NKAPD1: variants seen among roughly 807,000 people sequenced by gnomAD.
The protein encoded by NKAPD1 is NKAP domain containing 1.
NKAPD1 carries 12 observed loss-of-function variants against 30.9 expected under a neutral mutation model. That is an observed-to-expected ratio of 0.39 (90% CI 0.25 to 0.63). The LOEUF is 0.63. Ranked by LOEUF, NKAPD1 falls within the 20% of genes least tolerant of loss-of-function variation. NKAPD1 has a pLI of 0.51. For synonymous variants in NKAPD1, 91 were observed against 113.6 expected (o/e 0.80, Z 1.26); for missense variants, 311 against 344.5 (o/e 0.90, Z 0.77).
Position 112,084,257 on chromosome 11 carries a change from TAA to T in NKAPD1, c.*1286_*1287del, listed in dbSNP as rs1370737067. 6.6e-6 allele frequency: 1 copy of T among 152,624 alleles called. No homozygotes were observed. The highest frequency in any genetic ancestry group is 1.5e-5 in the Non-Finnish European group (1 of 68,030). 9.5% of individuals were successfully genotyped at this position (152,624 alleles called of 1,614,324 possible). ...ATTACTTCACAGTAGCATGACAGTA[TAA>T]GACACCAGCAGTAGATACAACTATG... On this transcript the variant is annotated 3_prime_UTR_variant, in exon 6 of 6. Transcript: ENST00000393047.
Position 112,082,880 on chromosome 11 carries a change from G to C in NKAPD1, c.790G>C (p.Ala264Pro). 6.2e-7 allele frequency: 1 copy of C among 1,613,490 alleles called. No individual in the cohort carries two copies. The change falls in exon 6 of 6, where the codon GCC (alanine) becomes CCC (proline). Residue 264 changes from alanine to proline, a missense_variant. Ala to Pro is a conservative substitution (Grantham distance 27, BLOSUM62 -1). Transcript: ENST00000393047. Reference protein sequence around the residue: ...KREKKAHTSVANNEIQERTNK... With the variant: ...KREKKAHTSVPNNEIQERTNK... Reference sequence around the variant, plus strand: ...AGAGAAAAAAGCCCATACCTCTGTAGCCAACAATGAAATACAGGAGAGGAC... The same window carrying C: ...AGAGAAAAAAGCCCATACCTCTGTACCCAACAATGAAATACAGGAGAGGAC...
In NKAPD1 at chr11:112,083,769, T is replaced by C. The variant is rs1414529991; in HGVS notation, c.*797T>C. Reference sequence around the variant, plus strand: ...ATTAGGAAATAATCATGTTGTCTAATGGTACTCTGGATTCAGGGCAGCAAC... The same window carrying C: ...ATTAGGAAATAATCATGTTGTCTAACGGTACTCTGGATTCAGGGCAGCAAC... On this transcript the variant is annotated 3_prime_UTR_variant, in exon 6 of 6. Coordinates refer to ENST00000393047, the MANE Select transcript of NKAPD1 (RefSeq NM_018195.4). 6.6e-6 allele frequency: 1 copy of C among 152,654 alleles called. No homozygotes were observed. The highest frequency in any genetic ancestry group is 1.5e-5 in the Non-Finnish European group (1 of 68,040). 9.5% of individuals were successfully genotyped at this position (152,654 alleles called of 1,614,324 possible).
At chr11:112,077,850 T>C (rs887636971) in intron 2 of NKAPD1, among the ~76,000 whole-genome samples, 1 of 152,012 alleles carries the variant, frequency 6.6e-6, no homozygotes, top group Non-Finnish European at 1.5e-5. Flanking sequence ...TTTTTTTTTT[T>C]TTCTTTTTTT....
chr11:112,078,438 C>CT (rs1475844429), intron 3 of NKAPD1, 123 bp downstream of exon 3: 1 of 769,012 alleles, frequency 1.3e-6, no homozygotes, highest in Non-Finnish European at 2.2e-6. Flanking sequence ...AGCCTTCCTT[C>CT]TTTCGTAAAT....
intron 5 of NKAPD1, 29 bp from the exon 6 acceptor site, chr11:112,082,436 A>T (rs1363396593): frequency 6.8e-7 from 1 of 1,473,598 alleles, no homozygotes. Context: ...TTTACATAAA[A>T]GCTTCTATTT....
At chr11:112,079,307 G>A (rs1374402268) in intron 3 of NKAPD1, among the ~76,000 whole-genome samples, 1 of 151,920 alleles carries the variant, frequency 6.6e-6, no homozygotes, top group African/African-American at 2.4e-5. Flanking sequence ...CACCACGCCT[G>A]GCTAATTTTT....
chr11:112,076,264 A>G (rs1865329210), intron 2 of NKAPD1, among the ~76,000 whole-genome samples: 1 of 152,198 alleles, frequency 6.6e-6, no homozygotes, highest in African/African-American at 2.4e-5. Context: ...GGAATGAATC[A>G]GATGGGGAGA....
chr11:112,084,729 A>C lies in NKAPD1; in HGVS notation c.*1757A>C, dbSNP rs1017024398. The C allele has an allele frequency of 2.4e-4, 35 of 146,106 alleles. No homozygotes were observed. Among genetic ancestry groups the C allele is most frequent in the African/African-American group, 8.2e-4 (32 of 39,028 alleles). The allele number at this position is 146,106 out of a possible 1,614,324, so 9.1% of individuals were successfully genotyped here. ...AGGCCATCTCCAGGAAATTGGCTCTATTTGGGTCCTGACCTTCCCTTCCTC... is the reference window on the plus strand; with the variant it reads ...AGGCCATCTCCAGGAAATTGGCTCTCTTTGGGTCCTGACCTTCCCTTCCTC... On this transcript the variant is annotated 3_prime_UTR_variant, in exon 6 of 6. Coordinates refer to ENST00000393047, the MANE Select transcript of NKAPD1 (RefSeq NM_018195.4).
intron 2 of NKAPD1, among the ~76,000 whole-genome samples, chr11:112,077,808 A>G (rs993322038): frequency 1.3e-5 from 2 of 150,868 alleles, no homozygotes; most frequent in Non-Finnish European, 2.9e-5. Flanking sequence ...GTAGCCCAAT[A>G]ATTAGTCAGA....
rs1182423511 is a variant in NKAPD1, at chr11:112,084,845, TAAGC to T, written c.*1876_*1879del. On this transcript the variant is annotated 3_prime_UTR_variant, in exon 6 of 6. Coordinates refer to ENST00000393047, the MANE Select transcript of NKAPD1 (RefSeq NM_018195.4). ...ATGTTTTCCTTTTCTTGGTCATGTATAAGCAATAAAGCTGTTTTTTGTTCTTCAT... is the reference window on the plus strand; with the variant it reads ...ATGTTTTCCTTTTCTTGGTCATGTATAATAAAGCTGTTTTTTGTTCTTCAT... The T allele has an allele frequency of 6.6e-6, 1 of 151,096 alleles. No homozygotes were observed. The highest frequency in any genetic ancestry group is 2.4e-5 in the African/African-American group (1 of 40,926). The allele number at this position is 151,096 out of a possible 1,614,324, so 9.4% of individuals were successfully genotyped here.
chr11:112,082,160 T>A, intron 5 of NKAPD1, 125 bp downstream of exon 5: 1 of 841,628 alleles, frequency 1.2e-6, no homozygotes, highest in Non-Finnish European at 1.9e-6. Flanking sequence ...CAATAGGTGA[T>A]TTAGTTAGGA....
intron 1 of NKAPD1, 96 bp from the exon 2 acceptor site, chr11:112,075,471 C>A: frequency 4.5e-6 from 4 of 884,928 alleles, no homozygotes; most frequent in Non-Finnish European, 7.0e-6. Context: ...GTTCAGTGAT[C>A]TTTCCTGTAC....
Position 112,082,686 on chromosome 11 carries a change from A to G in NKAPD1, c.596A>G (p.Lys199Arg). Residue 199 changes from lysine to arginine, a missense_variant, in exon 6 of 6, where the codon AAA (lysine) becomes AGA (arginine). Lys to Arg is a conservative substitution (Grantham distance 26, BLOSUM62 2). Transcript: ENST00000393047. ...GAAACTGGGGCTTCTGGTACAAGGA[A>G]AGGGAAACAACCACATAAACGCAAG... The part of the protein sequence containing the change: ...SEETGASGTR[K>R]GKQPHKRKKK... The G allele has an allele frequency of 6.2e-7, 1 of 1,614,108 alleles. No homozygotes were observed.
chr11:112,085,015 C>T lies in NKAPD1; in HGVS notation c.*2043C>T. The T allele has an allele frequency of 3.8e-6, 1 of 265,946 alleles. No homozygotes were observed. Among genetic ancestry groups the T allele is most frequent in the Non-Finnish European group, 7.1e-6 (1 of 140,762 alleles). 16.5% of individuals were successfully genotyped at this position (265,946 alleles called of 1,614,324 possible). On this transcript the variant is annotated 3_prime_UTR_variant, in exon 6 of 6. Transcript: ENST00000393047. The stretch of plus-strand genomic sequence containing the variant: ...CATGGAACATTTATTTCTAGTGTTC[C>T]TGCCAATCAGAGATCTCTATATTAA...
Position 112,081,984 on chromosome 11 carries a change from G to T in NKAPD1, c.323G>T (p.Trp108Leu). 6.2e-7 allele frequency: 1 copy of T among 1,612,064 alleles called. No individual in the cohort carries two copies. Among genetic ancestry groups the T allele is most frequent in the South Asian group, 1.1e-5 (1 of 90,992 alleles). The change falls in exon 5 of 6, where the codon TGG (tryptophan) becomes TTG (leucine). Residue 108 changes from tryptophan (W) to leucine (L), a missense_variant and splice_region_variant. By Grantham distance (61) the Trp-to-Leu change is moderately conservative. Coordinates refer to ENST00000393047, the MANE Select transcript of NKAPD1 (RefSeq NM_018195.4). The part of the protein sequence containing the change: ...YDYEANMPDR[W>L]GHSGYKELYP... ...ACATGTGATGTGTCATATTACAGATGGGGTCACAGTGGTTATAAAGAGTTA... is the reference window on the plus strand; with the variant it reads ...ACATGTGATGTGTCATATTACAGATTGGGTCACAGTGGTTATAAAGAGTTA...
intron 1 of NKAPD1, among the ~76,000 whole-genome samples, chr11:112,075,359 C>T (rs1734506680): frequency 6.6e-6 from 1 of 152,204 alleles, no homozygotes; most frequent in Admixed American, 6.5e-5. Flanking sequence ...TTTCAAAGAA[C>T]TTTAATGTAC....
chr11:112,081,840 A>G (rs1178557612), intron 4 of NKAPD1, 142 bp from the exon 5 acceptor site: 1 of 672,800 alleles, frequency 1.5e-6, no homozygotes, highest in South Asian at 1.6e-5. Context: ...TTACTGAGCT[A>G]TAATGGGGGC....
In NKAPD1 at chr11:112,083,190, G is replaced by T; in HGVS notation, c.*218G>T. The T allele has an allele frequency of 2.4e-6, 1 of 422,310 alleles. No individual in the cohort carries two copies. Among genetic ancestry groups the T allele is most frequent in the Non-Finnish European group, 4.0e-6 (1 of 247,158 alleles). 26.2% of individuals were successfully genotyped at this position (422,310 alleles called of 1,614,324 possible). ...TGGTATTTTGTTATGAAGGTTTCTT[G>T]AAGAGATTATTTTTTTTTGCAATTA... is the stretch of plus-strand genomic sequence containing the variant. On this transcript the variant is annotated 3_prime_UTR_variant, in exon 6 of 6. Coordinates refer to ENST00000393047, the MANE Select transcript of NKAPD1 (RefSeq NM_018195.4).
intron 2 of NKAPD1, 43 bp downstream of exon 2, chr11:112,075,686 C>G (rs1865313196): frequency 1.9e-6 from 3 of 1,583,278 alleles, no homozygotes; most frequent in South Asian, 2.3e-5. Flanking sequence ...TTACTGAAGG[C>G]AAGCAGTGTG....
Sources: gnomAD v4.1 joint callset for allele counts (sites outside exome capture counted in the v4.1 genomes callset) on GRCh38, gnomAD v4.1.1 for gene constraint, MANE v1.5 for transcripts, NCBI Gene and HGNC (gene_info 2026-07-23, HGNC 2026-07-21) for gene names.